CDK14: variants seen among roughly 807,000 people sequenced by gnomAD.
The protein encoded by CDK14 is cyclin dependent kinase 14, also known as cyclin-dependent kinase 14.
In CDK14, 34 loss-of-function variants were observed where a neutral mutation model predicts 60.7. That is an observed-to-expected ratio of 0.56 (90% CI 0.43 to 0.75). The LOEUF (loss-of-function observed/expected upper bound fraction) is 0.75, where lower values mean the gene tolerates loss of function less well. CDK14 is among the 30% of genes least tolerant of loss of function. The probability of loss-of-function intolerance (pLI) is 0.00; values close to 1 mark genes in which losing one functional copy is unlikely to be tolerated. For missense variants in CDK14, 482 were observed against 564.1 expected, an observed-to-expected ratio of 0.85 and a Z score of 1.47; for synonymous variants, 197 against 203.7, an observed-to-expected ratio of 0.97 and a Z score of 0.28.
intron 11 of CDK14, among the ~76,000 whole-genome samples, chr7:91,056,661 TG>T (rs1336223502): frequency 6.6e-6 from 1 of 151,984 alleles, no homozygotes; most frequent in Admixed American, 6.6e-5. Context: ...ATGCAGTGTT[TG>T]GTTTTTTGTC....
chr7:91,202,504 G>A (rs1203342954), intron 14 of CDK14, among the ~76,000 whole-genome samples: 1 of 152,138 alleles, frequency 6.6e-6, no homozygotes, highest in Non-Finnish European at 1.5e-5. Flanking sequence ...GAATTACATT[G>A]ATATTATATT....
rs66582106 is a variant in CDK14, at chr7:90,759,054, TA to T, written c.464+11296del. On this transcript the variant is annotated intron_variant, in intron 4 of 14. Transcript: ENST00000380050. ...CTGGGTGACAGAGCGAGACTCTGTC[TA>T]AAAAAAAAAAAAAAAATCGTAAAAC... is the stretch of plus-strand genomic sequence containing the variant. 7.4e-3 allele frequency among the ~76,000 whole-genome samples: 998 copies of T among 134,698 alleles called. 11 individuals are homozygous for T. Among genetic ancestry groups the T allele is most frequent in the Middle Eastern group, 0.023 (6 of 258 alleles). The allele number at this position is 134,698 out of a possible 152,430, so 88.4% of individuals were successfully genotyped here.
chr7:91,005,864 A>C (rs77732556), intron 10 of CDK14, among the ~76,000 whole-genome samples: 1,534 of 152,346 alleles, frequency 0.01, 24 homozygotes, highest in African/African-American at 0.034. Flanking sequence ...TTGTGAGGCA[A>C]ATAGTGGTAT....
chr7:91,099,723 C>G (rs748325523), intron 12 of CDK14, among the ~76,000 whole-genome samples: 7 of 152,056 alleles, frequency 4.6e-5, no homozygotes, highest in Non-Finnish European at 1.0e-4. Flanking sequence ...TGTGAGTTAC[C>G]TAATGTCTTT....
At chr7:91,137,716 ATG>A (rs34823535) in intron 14 of CDK14, among the ~76,000 whole-genome samples, 18 of 130,542 alleles carry the variant, frequency 1.4e-4, no homozygotes, top group Admixed American at 8.4e-4. Context: ...GTGTGTGTGT[ATG>A]TGTGTGTGTG....
At chr7:91,172,743 G>A (rs561108176) in intron 14 of CDK14, among the ~76,000 whole-genome samples, 95 of 152,270 alleles carry the variant, frequency 6.2e-4, no homozygotes, top group Middle Eastern at 6.8e-3. Context: ...TGGAAATGCC[G>A]TCCTTCCTTA....
At chr7:90,719,878 T>C (rs1802382731) in intron 2 of CDK14, among the ~76,000 whole-genome samples, 1 of 152,192 alleles carries the variant, frequency 6.6e-6, no homozygotes, top group African/African-American at 2.4e-5. Flanking sequence ...TTAGTTCTCA[T>C]TGATATTAGA....
At chr7:91,180,384 A>G (rs916390287) in intron 14 of CDK14, among the ~76,000 whole-genome samples, 4 of 152,318 alleles carry the variant, frequency 2.6e-5, no homozygotes, top group East Asian at 3.9e-4. Context: ...TCATGCTTAA[A>G]TATGCTCTAT....
chr7:90,653,215 T>G (rs1800682003), intron 2 of CDK14, among the ~76,000 whole-genome samples: 1 of 152,152 alleles, frequency 6.6e-6, no homozygotes, highest in Non-Finnish European at 1.5e-5. Context: ...CTTAGGCTTC[T>G]AGAGCCAATC....
intron 10 of CDK14, among the ~76,000 whole-genome samples, chr7:91,003,207 T>C (rs573412199): frequency 6.6e-6 from 1 of 152,336 alleles, no homozygotes; most frequent in Non-Finnish European, 1.5e-5. Context: ...TTAATTCTTA[T>C]CCTGTCCTCA....
chr7:90,613,155 T>C (rs1432223548), intron 2 of CDK14, among the ~76,000 whole-genome samples: 1 of 152,230 alleles, frequency 6.6e-6, no homozygotes, highest in African/African-American at 2.4e-5. Context: ...TGCGTAGTGC[T>C]GTAAAGATTC....
chr7:90,895,349 T>C (rs1321136033), intron 6 of CDK14, among the ~76,000 whole-genome samples: 20 of 88,710 alleles, frequency 2.3e-4, no homozygotes, highest in African/African-American at 7.8e-4. Context: ...TCCTCTCCTC[T>C]CCTCTCCTCA....
chr7:90,760,154 T>A (rs1804258669), intron 4 of CDK14, among the ~76,000 whole-genome samples: 1 of 152,176 alleles, frequency 6.6e-6, no homozygotes, highest in South Asian at 2.1e-4. Context: ...AAACCAAGAC[T>A]GAAATATACT....
intron 14 of CDK14, among the ~76,000 whole-genome samples, chr7:91,183,664 C>T (rs1333313265): frequency 6.6e-6 from 1 of 152,164 alleles, no homozygotes; most frequent in Non-Finnish European, 1.5e-5. Flanking sequence ...ACATGTCATT[C>T]CCTTCTCTGA....
intron 6 of CDK14, among the ~76,000 whole-genome samples, chr7:90,891,046 A>G (rs1792107246): frequency 6.6e-6 from 1 of 152,208 alleles, no homozygotes; most frequent in Non-Finnish European, 1.5e-5. Context: ...GCATCAAGGC[A>G]TCCACCCTTG....
intron 12 of CDK14, chr7:91,107,866 A>G (rs1295132804): frequency 6.6e-6 from 1 of 152,242 alleles, no homozygotes; most frequent in East Asian, 1.9e-4. Flanking sequence ...TATCAAACAT[A>G]TTAGCCAATG....
intron 9 of CDK14, among the ~76,000 whole-genome samples, chr7:90,983,443 G>A (rs1327137392): frequency 6.6e-6 from 1 of 152,150 alleles, no homozygotes; most frequent in African/African-American, 2.4e-5. Context: ...ACTTTGGGAG[G>A]CCGAGACGGG....
At chr7:90,607,802 T>A (rs1224412216) in intron 2 of CDK14, among the ~76,000 whole-genome samples, 1 of 152,232 alleles carries the variant, frequency 6.6e-6, no homozygotes, top group Non-Finnish European at 1.5e-5. Flanking sequence ...GTGTATTTGG[T>A]CCCTGACTAC....
At chr7:90,741,800 G>A (rs1490875801) in intron 3 of CDK14, among the ~76,000 whole-genome samples, 1 of 152,016 alleles carries the variant, frequency 6.6e-6, no homozygotes, top group African/African-American at 2.4e-5. Flanking sequence ...TATGAGGTTT[G>A]TTACAGGTTT....
Sources: allele counts gnomAD v4.1 joint callset (sites outside exome capture counted in the v4.1 genomes callset), GRCh38; gene constraint gnomAD v4.1.1; transcripts MANE v1.5; gene names NCBI Gene and HGNC (gene_info 2026-07-23, HGNC 2026-07-21).